The following SCFD2 variants were observed in gnomAD, a reference collection of about 807,000 sequenced individuals.
SCFD2 encodes the protein sec1 family domain containing 2.
Under a neutral mutation model 58.9 loss-of-function variants are expected in SCFD2, and 54 were observed. That is an observed-to-expected ratio of 0.92 (90% CI 0.74 to 1.15). The LOEUF (loss-of-function observed/expected upper bound fraction) is 1.15, where lower values mean the gene tolerates loss of function less well. Ranked by LOEUF, SCFD2 falls within the 50% of genes most tolerant of loss-of-function variation. The probability of loss-of-function intolerance (pLI) is 0.00; values close to 1 mark genes in which losing one functional copy is unlikely to be tolerated. For missense variants in SCFD2, 805 were observed against 836.6 expected, an observed-to-expected ratio of 0.96 and a Z score of 0.47; for synonymous variants, 321 against 335.9, an observed-to-expected ratio of 0.96 and a Z score of 0.49.
chr4:52,907,270 G>T (rs755788998), intron 7 of SCFD2, among the ~76,000 whole-genome samples, 187 bp downstream of exon 7: 1 of 152,236 alleles, frequency 6.6e-6, no homozygotes, highest in Non-Finnish European at 1.5e-5. Flanking sequence ...GTCAGAAGAA[G>T]CTGTATGACG....
At chr4:53,073,924 T>G (rs1723896818) in intron 5 of SCFD2, among the ~76,000 whole-genome samples, 1 of 152,188 alleles carries the variant, frequency 6.6e-6, no homozygotes, top group Admixed American at 6.6e-5. Context: ...TGTTGATGGC[T>G]GCTGACTGAT....
At chr4:53,328,162 T>G (rs775116710) in intron 2 of SCFD2, among the ~76,000 whole-genome samples, 13 of 150,752 alleles carry the variant, frequency 8.6e-5, no homozygotes, top group Non-Finnish European at 1.9e-4. Flanking sequence ...AAACAAAGAA[T>G]GATCAATGTA....
At chr4:53,155,854 A>C (rs2148922221) in intron 4 of SCFD2, among the ~76,000 whole-genome samples, 1 of 152,376 alleles carries the variant, frequency 6.6e-6, no homozygotes, top group African/African-American at 2.4e-5. Flanking sequence ...GATTCTGTCA[A>C]GAGGTCCATG....
chr4:52,945,761 G>T (rs139406001), intron 5 of SCFD2: 1 of 152,186 alleles, frequency 6.6e-6, no homozygotes, highest in African/African-American at 2.4e-5. Context: ...GAAAAATAAC[G>T]TAAGTTTCAA....
chr4:52,923,405 G>C (rs544049685), intron 5 of SCFD2, among the ~76,000 whole-genome samples: 1 of 151,990 alleles, frequency 6.6e-6, no homozygotes, highest in Admixed American at 6.6e-5. Flanking sequence ...TTGAGCCCGG[G>C]AGTTGGAGGT....
At chr4:53,202,332 C>T (rs1290785851) in intron 4 of SCFD2, among the ~76,000 whole-genome samples, 5 of 151,508 alleles carry the variant, frequency 3.3e-5, no homozygotes, top group Admixed American at 6.6e-5. Context: ...GATCAGATAG[C>T]TGTAGATACG....
chr4:53,210,516 G>T (rs377653413), intron 4 of SCFD2, among the ~76,000 whole-genome samples: 45 of 152,198 alleles, frequency 3.0e-4, no homozygotes, highest in South Asian at 1.0e-3. Flanking sequence ...AAGGAGAGAC[G>T]AGAATCCAGC....
At chr4:53,169,203 C>G (rs1727103034) in intron 4 of SCFD2, among the ~76,000 whole-genome samples, 1 of 151,940 alleles carries the variant, frequency 6.6e-6, no homozygotes, top group South Asian at 2.1e-4. Flanking sequence ...TGGCGAAACC[C>G]CATCTCTACT....
rs111916976 is a variant in SCFD2, at chr4:53,219,012, G to T, written c.1311+54814C>A. Among the ~76,000 whole-genome samples the T allele has an allele frequency of 9.3e-3, 1,410 of 152,288 alleles. 25 individuals are homozygous for T. The highest frequency in any genetic ancestry group is 0.032 in the African/African-American group (1,336 of 41,546). On this transcript the variant is annotated intron_variant, in intron 4 of 8. Transcript: ENST00000401642. ...GTTCCTCTGGAAGCTTCAGCTCAGA[G>T]GGGTACCCGGCCGTGTGAGGTGTCA... is the stretch of plus-strand genomic sequence containing the variant.
intron 4 of SCFD2, among the ~76,000 whole-genome samples, chr4:53,160,088 C>T (rs1185520856): frequency 6.6e-6 from 1 of 152,138 alleles, no homozygotes; most frequent in Non-Finnish European, 1.5e-5. Flanking sequence ...ATCAATGTTA[C>T]AGAAATTGTC....
At chr4:53,301,203 C>T in intron 3 of SCFD2, among the ~76,000 whole-genome samples, 1 of 151,828 alleles carries the variant, frequency 6.6e-6, no homozygotes, top group East Asian at 1.9e-4. Context: ...AGACCGCTAG[C>T]AAGACTAATA....
intron 1 of SCFD2, among the ~76,000 whole-genome samples, chr4:53,364,047 T>C (rs1734628287): frequency 6.6e-6 from 1 of 152,138 alleles, no homozygotes; most frequent in South Asian, 2.1e-4. Context: ...TCAACAAGCA[T>C]CTACTTATCA....
intron 5 of SCFD2, among the ~76,000 whole-genome samples, chr4:52,965,179 A>G (rs1370037500): frequency 1.3e-5 from 2 of 152,112 alleles, no homozygotes; most frequent in Non-Finnish European, 2.9e-5. Flanking sequence ...TGTTGCACAT[A>G]TTTCCTTTTC....
At chr4:53,038,277 G>C (rs943868895) in intron 5 of SCFD2, among the ~76,000 whole-genome samples, 1 of 152,116 alleles carries the variant, frequency 6.6e-6, no homozygotes, top group African/African-American at 2.4e-5. Context: ...GAATCCAATA[G>C]AACTCCAGCC....
At chr4:53,327,476 G>A (rs1201445001) in intron 2 of SCFD2, among the ~76,000 whole-genome samples, 2 of 152,150 alleles carry the variant, frequency 1.3e-5, no homozygotes, top group African/African-American at 2.4e-5. Flanking sequence ...CAGAGCAGGT[G>A]AGCAGACTGA....
At chr4:53,017,646 A>G (rs924895014) in intron 5 of SCFD2, among the ~76,000 whole-genome samples, 7 of 152,196 alleles carry the variant, frequency 4.6e-5, no homozygotes, top group African/African-American at 1.4e-4. Context: ...AATTTGTTGT[A>G]GTATAAAGAC....
At chr4:53,124,522 C>T (rs1725570683) in intron 5 of SCFD2, among the ~76,000 whole-genome samples, 1 of 152,150 alleles carries the variant, frequency 6.6e-6, no homozygotes, top group Non-Finnish European at 1.5e-5. Flanking sequence ...GGAAGAATAA[C>T]TAGACTCGCT....
chr4:53,060,297 G>T (rs991552553), intron 5 of SCFD2, among the ~76,000 whole-genome samples: 1 of 144,362 alleles, frequency 6.9e-6, no homozygotes, highest in Admixed American at 6.7e-5. Context: ...AGGTAACTGG[G>T]CTGGGGTAGG....
At chr4:53,239,743 T>A (rs1729831693) in intron 4 of SCFD2, among the ~76,000 whole-genome samples, 1 of 152,172 alleles carries the variant, frequency 6.6e-6, no homozygotes, top group South Asian at 2.1e-4. Context: ...CCCAAAGTGC[T>A]GGGATTACAG....
Sources: gnomAD v4.1 joint callset for allele counts (sites outside exome capture counted in the v4.1 genomes callset) on GRCh38, gnomAD v4.1.1 for gene constraint, MANE v1.5 for transcripts, NCBI Gene and HGNC (gene_info 2026-07-23, HGNC 2026-07-21) for gene names.